Variants in MCC observed in about 807,000 individuals in gnomAD.
MCC encodes the protein colorectal mutant cancer protein.
Under a neutral mutation model 116.2 loss-of-function variants are expected in MCC, and 90 were observed. The ratio of observed to expected loss-of-function variants is 0.77; its 90% CI spans 0.65 to 0.92. MCC has a LOEUF of 0.92. Ranked by LOEUF, MCC falls within the 40% of genes least tolerant of loss-of-function variation. The probability of loss-of-function intolerance (pLI) is 0.00; values close to 1 mark genes in which losing one functional copy is unlikely to be tolerated. For missense variants in MCC, 1,516 were observed against 1,312.2 expected (o/e 1.16, Z -2.40); for synonymous variants, 578 against 510.5 (o/e 1.13, Z -1.78).
intron 1 of MCC, among the ~76,000 whole-genome samples, chr5:113,425,452 C>G (rs901116929): frequency 6.6e-6 from 1 of 152,040 alleles, no homozygotes; most frequent in African/African-American, 2.4e-5. Flanking sequence ...GTGCATATAA[C>G]CAATTACCAA....
chr5:113,056,145 C>A lies in MCC; in HGVS notation c.2214-2186G>T, dbSNP rs115139283. 1.9e-3 allele frequency among the ~76,000 whole-genome samples: 293 copies of A among 152,248 alleles called. 5 individuals are homozygous for A. The highest frequency in any genetic ancestry group is 6.6e-3 in the African/African-American group (276 of 41,538). ...CTATTGGTTCTGATTCTCTGCAATG[C>A]CCTAAGAGCAAAGTGCTACCTTTAC... On this transcript the variant is annotated intron_variant, in intron 14 of 18. Transcript: ENST00000408903.
chr5:113,055,105 T>C lies in MCC; in HGVS notation c.2214-1146A>G, dbSNP rs376734383. 3.8e-4 allele frequency among the ~76,000 whole-genome samples: 58 copies of C among 152,322 alleles called. 1 individual carries two copies. Among genetic ancestry groups the C allele is most frequent in the African/African-American group, 1.3e-3 (55 of 41,572 alleles). On this transcript the variant is annotated intron_variant, in intron 14 of 18. Coordinates refer to ENST00000408903, the MANE Select transcript of MCC (RefSeq NM_001085377.2). ...TTGCATCAAAACAGGCCAGGCTGTGTTGTCATGTCTGTTGCTACAGATTTG... is the reference window on the plus strand; with the variant it reads ...TTGCATCAAAACAGGCCAGGCTGTGCTGTCATGTCTGTTGCTACAGATTTG...
At chr5:113,257,078 T>C (rs1264117645) in intron 3 of MCC, among the ~76,000 whole-genome samples, 1 of 152,196 alleles carries the variant, frequency 6.6e-6, no homozygotes, top group Admixed American at 6.5e-5. Flanking sequence ...CCTTTTGTGT[T>C]TTCCCCTCTA....
intron 1 of MCC, among the ~76,000 whole-genome samples, chr5:113,411,742 G>C (rs1769998538): frequency 1.3e-5 from 2 of 152,150 alleles, no homozygotes; most frequent in Non-Finnish European, 2.9e-5. Context: ...TCTGATGGTA[G>C]TTTCTTTTGC....
intron 3 of MCC, among the ~76,000 whole-genome samples, chr5:113,262,551 A>G (rs1765255213): frequency 6.6e-6 from 1 of 152,180 alleles, no homozygotes; most frequent in African/African-American, 2.4e-5. Context: ...AAACGTTTAT[A>G]CATGTCACCT....
chr5:113,117,892 T>C (rs894280859), intron 6 of MCC, among the ~76,000 whole-genome samples: 1 of 152,228 alleles, frequency 6.6e-6, no homozygotes, highest in African/African-American at 2.4e-5. Context: ...GTGCTTGTGA[T>C]CACACAGCTG....
chr5:113,022,149 A>T lies in MCC; in HGVS notation c.*5153T>A, dbSNP rs1359720642. Reference sequence around the variant, plus strand: ...TTCAGAATATAAGAATGTTTGTAAAATATTATAAATGTCTCTGTATAAATA... The same window carrying T: ...TTCAGAATATAAGAATGTTTGTAAATTATTATAAATGTCTCTGTATAAATA... On this transcript the variant is annotated 3_prime_UTR_variant, in exon 19 of 19. Transcript: ENST00000408903. 6.6e-6 allele frequency: 1 copy of T among 152,622 alleles called. No individual in the cohort carries two copies. The highest frequency in any genetic ancestry group is 1.5e-5 in the Non-Finnish European group (1 of 68,022). 9.5% of individuals were successfully genotyped at this position (152,622 alleles called of 1,614,324 possible). A position where few individuals can be genotyped will look rare whatever the true frequency, so the allele number is the denominator to read the frequency against.
intron 8 of MCC, among the ~76,000 whole-genome samples, chr5:113,099,370 T>C (rs532881832): frequency 3.3e-5 from 5 of 152,356 alleles, no homozygotes; most frequent in African/African-American, 1.2e-4. Flanking sequence ...AATTATCCAA[T>C]GTCCATGTTG....
At chr5:113,029,406 C>T (rs942716411) in intron 17 of MCC, among the ~76,000 whole-genome samples, 2 of 150,530 alleles carry the variant, frequency 1.3e-5, no homozygotes, top group South Asian at 2.1e-4. Context: ...CACAAACCCC[C>T]GTCTGTCTCC....
At chr5:113,140,061 T>G (rs1348113294) in intron 5 of MCC, among the ~76,000 whole-genome samples, 1 of 152,196 alleles carries the variant, frequency 6.6e-6, no homozygotes, top group Non-Finnish European at 1.5e-5. Context: ...GAACATACAA[T>G]AAAACTTCCC....
intron 14 of MCC, among the ~76,000 whole-genome samples, chr5:113,058,210 TAAA>T (rs1752972115): frequency 6.6e-6 from 1 of 152,208 alleles, no homozygotes; most frequent in Non-Finnish European, 1.5e-5. Context: ...TCATTTAAAA[TAAA>T]AATCACAAAA....
chr5:113,217,648 G>A (rs141575202), intron 3 of MCC, among the ~76,000 whole-genome samples: 1 of 148,914 alleles, frequency 6.7e-6, no homozygotes, highest in East Asian at 1.9e-4. Context: ...GAGGAAAGTG[G>A]GGCTCCAAGC....
At chr5:113,044,728 C>G (rs184038527) in intron 16 of MCC, among the ~76,000 whole-genome samples, 4 of 152,180 alleles carry the variant, frequency 2.6e-5, no homozygotes, top group African/African-American at 9.7e-5. Context: ...GCATGTGCCA[C>G]CACGTCTGGC....
chr5:113,122,929 AGATTTCTCCCCCAGGCCACAGGGACCAG>A, intron 5 of MCC, 103 bp from the exon 6 acceptor site: 1 of 1,229,612 alleles, frequency 8.1e-7, no homozygotes, highest in Non-Finnish European at 1.2e-6. Context: ...GAGAGAAAAC[AGATTTCTCCCCCAGGCCACAGGGACCAG>A]GATTTCTCCC....
At chr5:113,221,114 G>C (rs1182396835) in intron 3 of MCC, among the ~76,000 whole-genome samples, 1 of 152,218 alleles carries the variant, frequency 6.6e-6, no homozygotes, top group Non-Finnish European at 1.5e-5. Context: ...TGAGGTGGGA[G>C]AATCACCTGA....
intron 1 of MCC, among the ~76,000 whole-genome samples, chr5:113,477,636 G>C (rs1216671532): frequency 1.3e-5 from 2 of 152,146 alleles, no homozygotes; most frequent in African/African-American, 4.8e-5. Flanking sequence ...AAAATTCAGG[G>C]AAGCCAAGGC....
chr5:113,478,795 C>T (rs1772298961), intron 1 of MCC, among the ~76,000 whole-genome samples: 1 of 152,172 alleles, frequency 6.6e-6, no homozygotes, highest in Non-Finnish European at 1.5e-5. Flanking sequence ...GCAAAGCAGT[C>T]TCTTGCCAGT....
In MCC at chr5:113,064,112, G is replaced by A; in HGVS notation, c.2085C>T (p.Cys695=). Residue 695 remains cysteine (C), a synonymous_variant, in exon 14 of 19, where the codon TGC becomes TGT. Coordinates refer to ENST00000408903, the MANE Select transcript of MCC (RefSeq NM_001085377.2). ...ITQMLKRAHD[C]RKTAENAAKA... is the part of the protein sequence containing the mutation. ...TGGCAGCGTTCTCAGCTGTCTTCCG[G>A]CAGTCATGAGCTCGCTTGAGCATCT... The A allele has an allele frequency of 6.2e-7, 1 of 1,614,104 alleles. No homozygotes were observed. Among genetic ancestry groups the A allele is most frequent in the Non-Finnish European group, 8.5e-7 (1 of 1,179,980 alleles).
At chr5:113,467,256 G>T (rs1436487202) in intron 1 of MCC, among the ~76,000 whole-genome samples, 3 of 150,732 alleles carry the variant, frequency 2.0e-5, no homozygotes, top group Non-Finnish European at 3.0e-5. Context: ...TGAAGTCCTT[G>T]CCCATGCCTA....
Sources: allele counts gnomAD v4.1 joint callset (sites outside exome capture counted in the v4.1 genomes callset), GRCh38; gene constraint gnomAD v4.1.1; transcripts MANE v1.5; gene names NCBI Gene and HGNC (gene_info 2026-07-23, HGNC 2026-07-21).